Variants in VPS13B observed in about 807,000 individuals in gnomAD.
VPS13B encodes the protein intermembrane lipid transfer protein VPS13B.
VPS13B carries 285 observed loss-of-function variants against 426.4 expected under a neutral mutation model. The ratio of observed to expected loss-of-function variants is 0.67; its 90% CI spans 0.61 to 0.74. The LOEUF is 0.74. Among genes scored for constraint, VPS13B ranks in the 30% least tolerant of loss-of-function variants. The pLI is 0.00. For missense variants in VPS13B, 4,537 were observed against 4,782.6 expected (o/e 0.95, Z 1.51); for synonymous variants, 1,676 against 1,676.4 (o/e 1.00, Z 0.01).
chr8:99,848,625 G>A, intron 54 of VPS13B, 151 bp from the exon 55 acceptor site: 1 of 742,690 alleles, frequency 1.3e-6, no homozygotes, highest in East Asian at 2.5e-5. Flanking sequence ...TTCATTTCAA[G>A]TCAACTGAAT....
At chr8:99,300,377 A>G (rs1169743213) in intron 19 of VPS13B, among the ~76,000 whole-genome samples, 1 of 152,240 alleles carries the variant, frequency 6.6e-6, no homozygotes, top group Non-Finnish European at 1.5e-5. Flanking sequence ...GCAAATAGTT[A>G]AAAGAATATA....
intron 17 of VPS13B, among the ~76,000 whole-genome samples, chr8:99,207,541 TC>T (rs1814800865): frequency 6.6e-6 from 1 of 152,288 alleles, no homozygotes; most frequent in Admixed American, 6.5e-5. Context: ...AAAATGCAAT[TC>T]TTTGAATTAT....
intron 39 of VPS13B, among the ~76,000 whole-genome samples, chr8:99,740,929 A>C (rs1033287625): frequency 2.0e-5 from 3 of 152,170 alleles, no homozygotes; most frequent in East Asian, 3.8e-4. Context: ...CAAGCAAAAT[A>C]ACCAGCTAAC....
intron 54 of VPS13B, among the ~76,000 whole-genome samples, chr8:99,846,889 G>A (rs1447039806): frequency 6.6e-6 from 1 of 152,192 alleles, no homozygotes; most frequent in African/African-American, 2.4e-5. Flanking sequence ...CCTCTAAGGG[G>A]TCCTGAAGTT....
chr8:99,521,934 C>A (rs947915802), intron 30 of VPS13B, among the ~76,000 whole-genome samples: 3 of 152,016 alleles, frequency 2.0e-5, no homozygotes, highest in Non-Finnish European at 4.4e-5. Context: ...TATGTATGAT[C>A]TCTTCCTTGT....
chr8:99,563,068 C>A (rs1014150434), intron 31 of VPS13B, among the ~76,000 whole-genome samples: 2 of 152,098 alleles, frequency 1.3e-5, no homozygotes, highest in Non-Finnish European at 1.5e-5. Flanking sequence ...GAGGCTGAAG[C>A]AGGAGGATCA....
At chr8:99,440,208 A>C (rs1588382381) in intron 22 of VPS13B, among the ~76,000 whole-genome samples, 1 of 152,052 alleles carries the variant, frequency 6.6e-6, no homozygotes, top group Non-Finnish European at 1.5e-5. Flanking sequence ...ATGAAGTAAC[A>C]CTCAGTGCAG....
chr8:99,258,035 C>T (rs1458748584), intron 17 of VPS13B, among the ~76,000 whole-genome samples: 1 of 149,560 alleles, frequency 6.7e-6, no homozygotes, highest in Non-Finnish European at 1.5e-5. Context: ...ATTTTCATAT[C>T]AATGCCATGT....
intron 39 of VPS13B, among the ~76,000 whole-genome samples, chr8:99,733,806 A>G (rs1175072958): frequency 6.6e-6 from 1 of 152,200 alleles, no homozygotes; most frequent in Non-Finnish European, 1.5e-5. Flanking sequence ...ATGCTACGTC[A>G]AAGTTAAAGG....
chr8:99,533,617 A>G (rs1029982101), intron 30 of VPS13B, among the ~76,000 whole-genome samples: 3 of 152,228 alleles, frequency 2.0e-5, no homozygotes, highest in Non-Finnish European at 2.9e-5. Context: ...ATAGAAAATC[A>G]TAGACAAGAT....
intron 3 of VPS13B, among the ~76,000 whole-genome samples, chr8:99,077,422 G>A (rs891868790): frequency 2.6e-5 from 4 of 151,794 alleles, no homozygotes; most frequent in African/African-American, 4.8e-5. Context: ...TGCCTGCCTC[G>A]GCCTCCCAAA....
chr8:99,357,841 C>A (rs1033025354), intron 19 of VPS13B, among the ~76,000 whole-genome samples: 23 of 152,146 alleles, frequency 1.5e-4, no homozygotes, highest in African/African-American at 5.1e-4. Flanking sequence ...TACTAACAAT[C>A]TTCATCAACA....
At chr8:99,686,142 A>G (rs1831388718) in intron 35 of VPS13B, among the ~76,000 whole-genome samples, 1 of 152,194 alleles carries the variant, frequency 6.6e-6, no homozygotes, top group Non-Finnish European at 1.5e-5. Flanking sequence ...GTCTTGGATA[A>G]GATCCAGAAG....
intron 55 of VPS13B, among the ~76,000 whole-genome samples, chr8:99,851,189 C>T (rs1454478211): frequency 2.0e-5 from 3 of 152,010 alleles, no homozygotes; most frequent in Admixed American, 1.3e-4. Context: ...ATGTTAATAA[C>T]AATAGAAGCA....
intron 39 of VPS13B, among the ~76,000 whole-genome samples, chr8:99,727,385 G>T (rs1189851484): frequency 6.6e-6 from 1 of 152,086 alleles, no homozygotes; most frequent in Admixed American, 6.5e-5. Context: ...AGATGGATTG[G>T]GTATTGTATT....
Position 99,832,633 on chromosome 8 carries a change from G to A in VPS13B, c.9595G>A (p.Glu3199Lys). 3 of 1,613,674 alleles carry A rather than the reference G, an allele frequency of 1.9e-6. No homozygotes were observed. Among genetic ancestry groups the A allele is most frequent in the Admixed American group, 3.3e-5 (2 of 60,004 alleles). ...GGCAGTACCCCTCGGGAATTTCCGG[G>A]AAAATGGATTCTGTACCAGGTATTT... ...SVAVPLGNFR[E>K]NGFCTRAIVL... Residue 3199 changes from glutamate (E) to lysine (K), a missense_variant, in exon 52 of 62, where the codon GAA (glutamate) becomes AAA (lysine). Glu to Lys is a moderately conservative substitution (Grantham distance 56). Around this residue, in one of 2 missense-constraint regions of VPS13B, gnomAD observed 4,311 missense variants for 4,474.3 expected, o/e 0.96. Coordinates refer to ENST00000357162, the MANE Select transcript of VPS13B (RefSeq NM_152564.5).
intron 24 of VPS13B, among the ~76,000 whole-genome samples, chr8:99,472,909 T>C (rs1819488220): frequency 6.6e-6 from 1 of 151,984 alleles, no homozygotes; most frequent in Admixed American, 6.6e-5. Context: ...ATGCAACAAC[T>C]TAGATGAAAT....
intron 25 of VPS13B, among the ~76,000 whole-genome samples, chr8:99,494,282 G>A (rs904081715): frequency 1.3e-5 from 2 of 151,930 alleles, no homozygotes; most frequent in African/African-American, 4.8e-5. Flanking sequence ...CTGAAATTCT[G>A]TATCCGTTAA....
chr8:99,406,019 C>T (rs189762978), intron 21 of VPS13B, among the ~76,000 whole-genome samples: 56 of 152,170 alleles, frequency 3.7e-4, no homozygotes, highest in African/African-American at 1.3e-3. Context: ...ACCTTGTAAT[C>T]CACCCAACTC....
Sources: allele counts gnomAD v4.1 joint callset (sites outside exome capture counted in the v4.1 genomes callset), GRCh38; gene constraint gnomAD v4.1.1; regional missense constraint gnomAD v4.1.1; transcripts MANE v1.5; gene names NCBI Gene and HGNC (gene_info 2026-07-23, HGNC 2026-07-21).